Variants in LRRC4C observed in about 807,000 individuals in gnomAD.
LRRC4C encodes leucine-rich repeat-containing protein 4C.
LRRC4C carries 5 observed loss-of-function variants against 33.6 expected under a neutral mutation model. That is an observed-to-expected ratio of 0.15 (90% CI 0.08 to 0.31). LRRC4C has a LOEUF of 0.31. Ranked by LOEUF, LRRC4C falls within the 10% of genes least tolerant of loss-of-function variation. LRRC4C has a pLI of 1.00. For missense variants in LRRC4C, 560 were observed against 796.7 expected (o/e 0.70, Z 3.58); for synonymous variants, 329 against 302.0 (o/e 1.09, Z -0.93).
At chr11:41,028,071 G>C (rs1265681139) in intron 1 of LRRC4C, among the ~76,000 whole-genome samples, 1 of 151,580 alleles carries the variant, frequency 6.6e-6, no homozygotes, top group Non-Finnish European at 1.5e-5. Flanking sequence ...GATGCCATTT[G>C]TTGAGGAAAC....
intron 2 of LRRC4C, among the ~76,000 whole-genome samples, chr11:40,893,300 C>A (rs1326137051): frequency 6.6e-6 from 1 of 151,810 alleles, no homozygotes; most frequent in East Asian, 1.9e-4. Context: ...CAATGAATAC[C>A]ATCTAGTATT....
intron 2 of LRRC4C, among the ~76,000 whole-genome samples, chr11:40,752,432 G>A (rs979910457): frequency 3.3e-5 from 5 of 151,768 alleles, no homozygotes; most frequent in South Asian, 2.1e-4. Context: ...ACTAAAAAGT[G>A]GACAAGTAAC....
chr11:41,163,207 C>T (rs1279665532), intron 1 of LRRC4C, among the ~76,000 whole-genome samples: 1 of 151,598 alleles, frequency 6.6e-6, no homozygotes, highest in Admixed American at 6.6e-5. Context: ...CCAATTAAAC[C>T]TCTTTTTCTT....
chr11:40,636,290 T>C (rs1230444854), intron 3 of LRRC4C, among the ~76,000 whole-genome samples: 1 of 152,142 alleles, frequency 6.6e-6, no homozygotes, highest in African/African-American at 2.4e-5. Context: ...TGAAGACAAC[T>C]GCATGTCAGA....
chr11:40,403,786 A>G (rs1429447077), intron 3 of LRRC4C, among the ~76,000 whole-genome samples: 1 of 152,112 alleles, frequency 6.6e-6, no homozygotes, highest in Non-Finnish European at 1.5e-5. Flanking sequence ...ATTGGAGTTG[A>G]CCAGGCTCAT....
chr11:40,971,916 C>G (rs1851751896), intron 1 of LRRC4C, among the ~76,000 whole-genome samples: 1 of 152,122 alleles, frequency 6.6e-6, no homozygotes, highest in Admixed American at 6.6e-5. Context: ...TGCGTGGGGC[C>G]TGTAGCTCCT....
intron 5 of LRRC4C, among the ~76,000 whole-genome samples, chr11:40,196,531 C>T (rs1862275967): frequency 6.6e-6 from 1 of 152,200 alleles, no homozygotes. Flanking sequence ...CTTTCAATTC[C>T]CTCTCCTACA....
In LRRC4C at chr11:41,336,929, C is replaced by T. The variant is rs143528525; in HGVS notation, c.-496+122502G>A. ...CACATCAGACACAGAGAAACAGAGG[C>T]ATGGAATGAACAAAGGAAACTAAGA... On this transcript the variant is annotated intron_variant, in intron 1 of 6. Transcript: ENST00000528697. Among the ~76,000 whole-genome samples the T allele has an allele frequency of 2.1e-3, 316 of 151,854 alleles. 1 individual carries two copies. The highest frequency in any genetic ancestry group is 7.2e-3 in the African/African-American group (297 of 41,376).
Position 41,021,214 on chromosome 11 carries a change from A to AGTGTGT in LRRC4C, c.-495-87497_-495-87492dup, listed in dbSNP as rs540703685. 1.1e-4 allele frequency among the ~76,000 whole-genome samples: 15 copies of AGTGTGT among 133,984 alleles called. 1 individual carries two copies. The highest frequency in any genetic ancestry group is 4.0e-4 in the African/African-American group (14 of 34,694). The allele number at this position is 133,984 out of a possible 152,430, so 87.9% of individuals were successfully genotyped here. On this transcript the variant is annotated intron_variant, in intron 1 of 6. Coordinates refer to ENST00000528697, the MANE Select transcript of LRRC4C (RefSeq NM_001258419.2). ...GAGAGAGAGAGAGAGAGAGAGAGAG[A>AGTGTGT]GTGTGTGTGTGTGTGTGTTTAAGAA... is the stretch of plus-strand genomic sequence containing the variant.
intron 3 of LRRC4C, among the ~76,000 whole-genome samples, chr11:40,506,534 T>C (rs117472070): frequency 0.018 from 2,713 of 152,278 alleles, 45 homozygotes; most frequent in South Asian, 0.034. Context: ...TATTTATCTA[T>C]TCCAACAGCC....
At chr11:40,914,733 A>T (rs1956865187) in intron 2 of LRRC4C, among the ~76,000 whole-genome samples, 1 of 152,178 alleles carries the variant, frequency 6.6e-6, no homozygotes, top group Non-Finnish European at 1.5e-5. Context: ...AAGGGTATTC[A>T]ATTAGGAAAA....
intron 1 of LRRC4C, among the ~76,000 whole-genome samples, chr11:41,377,006 C>A (rs1193184491): frequency 6.6e-6 from 1 of 151,980 alleles, no homozygotes; most frequent in African/African-American, 2.4e-5. Context: ...TCTAACATTC[C>A]AATTTTCTGA....
At chr11:40,545,337 T>A (rs1956870716) in intron 3 of LRRC4C, among the ~76,000 whole-genome samples, 2 of 152,008 alleles carry the variant, frequency 1.3e-5, no homozygotes, top group African/African-American at 4.8e-5. Context: ...ATTAGAATAA[T>A]AGAGAAAAAA....
At chr11:41,118,122 C>T (rs1014150882) in intron 1 of LRRC4C, among the ~76,000 whole-genome samples, 1 of 152,126 alleles carries the variant, frequency 6.6e-6, no homozygotes, top group African/African-American at 2.4e-5. Flanking sequence ...GACTTATTCT[C>T]AAAACCTAAA....
At chr11:40,854,354 A>G (rs1014643903) in intron 2 of LRRC4C, among the ~76,000 whole-genome samples, 9 of 152,174 alleles carry the variant, frequency 5.9e-5, no homozygotes, top group Non-Finnish European at 1.2e-4. Context: ...TTAAAAGAGA[A>G]GGGCCAGAAG....
At chr11:40,445,371 C>G (rs1280022389) in intron 3 of LRRC4C, 1 of 153,158 alleles carries the variant, frequency 6.5e-6, no homozygotes, top group Non-Finnish European at 1.5e-5. Context: ...TTTTCTGTGT[C>G]TAGTGATGAG....
chr11:40,882,217 T>C (rs1038086307), intron 2 of LRRC4C, among the ~76,000 whole-genome samples: 2 of 152,072 alleles, frequency 1.3e-5, no homozygotes, highest in African/African-American at 4.8e-5. Context: ...CAAGTGATCA[T>C]CTGGAAACAA....
chr11:41,325,575 TTTTGTGTGTGTGTGTGTG>T (rs1461334162), intron 1 of LRRC4C, among the ~76,000 whole-genome samples: 1 of 117,498 alleles, frequency 8.5e-6, no homozygotes, highest in African/African-American at 3.3e-5. Context: ...AGTTTTTTTT[TTTTGTGTGTGTGTGTGTG>T]TGTGTGTGTG....
Position 40,984,392 on chromosome 11 carries a change from AAAGAAAGAAAG to A in LRRC4C, c.-495-50680_-495-50670del, listed in dbSNP as rs769332861. ...GAAAGAAAGAAAGAAAGAAAGAAAGAAAGAAAGAAAGAAAGAAAGAAAGAGAAAGAAAGAAA... is the reference window on the plus strand; with the variant it reads ...GAAAGAAAGAAAGAAAGAAAGAAAGAAAAGAAAGAAAGAGAAAGAAAGAAA... On this transcript the variant is annotated intron_variant, in intron 1 of 6. Coordinates refer to ENST00000528697, the MANE Select transcript of LRRC4C (RefSeq NM_001258419.2). 3.2e-3 allele frequency among the ~76,000 whole-genome samples: 262 copies of A among 82,854 alleles called. 2 individuals carry two copies. The highest frequency in any genetic ancestry group is 7.1e-3 in the Middle Eastern group (1 of 140). The allele number at this position is 82,854 out of a possible 152,430, so 54.4% of individuals were successfully genotyped here. A position where few individuals can be genotyped will look rare whatever the true frequency, so the allele number is the denominator to read the frequency against.
Sources: allele counts gnomAD v4.1 joint callset (sites outside exome capture counted in the v4.1 genomes callset), GRCh38; gene constraint gnomAD v4.1.1; transcripts MANE v1.5; gene names NCBI Gene and HGNC (gene_info 2026-07-23, HGNC 2026-07-21).